Variants in CDH6 observed in about 807,000 individuals in gnomAD.
CDH6 encodes cadherin-6.
A neutral mutation model predicts 78.0 loss-of-function variants in CDH6; 31 were observed. The observed-to-expected ratio is 0.40, with a 90% CI of 0.30 to 0.54. The LOEUF is 0.54. Ranked by LOEUF, CDH6 falls within the 20% of genes least tolerant of loss-of-function variation. The probability of loss-of-function intolerance (pLI) is 0.56; values close to 1 mark genes in which losing one functional copy is unlikely to be tolerated. For synonymous variants in CDH6, 376 were observed against 368.8 expected, an observed-to-expected ratio of 1.02 and a Z score of -0.23; for missense variants, 724 against 975.9, an observed-to-expected ratio of 0.74 and a Z score of 3.44.
intron 7 of CDH6, among the ~76,000 whole-genome samples, chr5:31,312,535 CA>C (rs1302249401): frequency 1.5e-4 from 23 of 152,144 alleles, no homozygotes; most frequent in Admixed American, 1.5e-3. Context: ...CCTGTCTCTA[CA>C]AAAAATTAGC....
intron 1 of CDH6, among the ~76,000 whole-genome samples, chr5:31,252,715 A>G (rs1395070210): frequency 6.6e-6 from 1 of 152,216 alleles, no homozygotes; most frequent in African/African-American, 2.4e-5. Flanking sequence ...TCTTAGGTAT[A>G]AAGTTTTCTT....
intron 2 of CDH6, among the ~76,000 whole-genome samples, chr5:31,290,217 A>G (rs532559958): frequency 3.5e-4 from 54 of 152,282 alleles, no homozygotes; most frequent in African/African-American, 1.3e-3. Context: ...CCGAGATCGC[A>G]CCACTGCACT....
intron 2 of CDH6, among the ~76,000 whole-genome samples, chr5:31,288,492 G>A (rs1265193969): frequency 2.0e-5 from 3 of 152,066 alleles, no homozygotes; most frequent in Non-Finnish European, 4.4e-5. Flanking sequence ...GCTTTTCCCA[G>A]CCTTCACAAC....
At chr5:31,222,406 T>C (rs1259532575) in intron 1 of CDH6, among the ~76,000 whole-genome samples, 3 of 152,202 alleles carry the variant, frequency 2.0e-5, no homozygotes, top group Non-Finnish European at 4.4e-5. Context: ...TTTCTCTATT[T>C]GTCATATGAA....
chr5:31,258,820 A>G (rs111313255), intron 1 of CDH6, among the ~76,000 whole-genome samples: 1 of 152,116 alleles, frequency 6.6e-6, no homozygotes, highest in African/African-American at 2.4e-5. Flanking sequence ...TAGGGAATTC[A>G]TGAAGACTCA....
chr5:31,266,138 C>A (rs1014731949), intron 1 of CDH6, among the ~76,000 whole-genome samples: 1 of 151,764 alleles, frequency 6.6e-6, no homozygotes, highest in Non-Finnish European at 1.5e-5. Context: ...TTTTTTCGCC[C>A]AAAAATGTGG....
At chr5:31,301,457 A>G (rs1386134156) in intron 5 of CDH6, among the ~76,000 whole-genome samples, 2 of 152,232 alleles carry the variant, frequency 1.3e-5, no homozygotes, top group South Asian at 2.1e-4. Context: ...AAAAGTGTCT[A>G]TATAGGAAAC....
chr5:31,292,094 C>G (rs1369813517), intron 2 of CDH6, among the ~76,000 whole-genome samples: 1 of 152,136 alleles, frequency 6.6e-6, no homozygotes, highest in Non-Finnish European at 1.5e-5. Context: ...GACTCTTTTC[C>G]CATGAGCTGT....
chr5:31,243,344 A>G (rs1561039138), intron 1 of CDH6, among the ~76,000 whole-genome samples: 1 of 152,194 alleles, frequency 6.6e-6, no homozygotes, highest in Admixed American at 6.5e-5. Flanking sequence ...AAGCCAGACC[A>G]CATCAGTCTC....
intron 8 of CDH6, 27 bp from the exon 9 acceptor site, chr5:31,316,180 CT>C: frequency 6.3e-7 from 1 of 1,588,864 alleles, no homozygotes; most frequent in Non-Finnish European, 8.5e-7. Flanking sequence ...ATGTAAATGC[CT>C]TTTTCTTTCT....
intron 2 of CDH6, among the ~76,000 whole-genome samples, chr5:31,268,538 A>G (rs545142514): frequency 6.6e-6 from 1 of 152,316 alleles, no homozygotes; most frequent in East Asian, 1.9e-4. Flanking sequence ...AAAAGATGTC[A>G]AAGAAAAAAC....
intron 3 of CDH6, among the ~76,000 whole-genome samples, chr5:31,296,872 GTATC>G (rs1257960552): frequency 6.6e-6 from 1 of 152,100 alleles, no homozygotes; most frequent in Non-Finnish European, 1.5e-5. Context: ...AAGAAAAAGA[GTATC>G]TATGACAGAA....
chr5:31,298,962 C>T (rs1191797677), intron 4 of CDH6, among the ~76,000 whole-genome samples: 1 of 152,092 alleles, frequency 6.6e-6, no homozygotes, highest in Non-Finnish European at 1.5e-5. Flanking sequence ...TCAGAGCATT[C>T]GTTATGGTAG....
At chr5:31,235,972 T>C (rs1002075422) in intron 1 of CDH6, among the ~76,000 whole-genome samples, 9 of 152,218 alleles carry the variant, frequency 5.9e-5, no homozygotes, top group African/African-American at 2.2e-4. Context: ...ACTCATACGA[T>C]TGATATTTGC....
intron 8 of CDH6, among the ~76,000 whole-genome samples, chr5:31,314,293 TC>T (rs561394545): frequency 3.1e-4 from 34 of 111,366 alleles, no homozygotes; most frequent in African/African-American, 9.6e-4. Context: ...ATGCTATCCC[TC>T]CCCCCTCCCC....
At chr5:31,321,244 A>G (rs191802551) in intron 11 of CDH6, among the ~76,000 whole-genome samples, 3 of 151,854 alleles carry the variant, frequency 2.0e-5, no homozygotes, top group East Asian at 3.9e-4. Context: ...GAATGAATAA[A>G]TACCCTGAAT....
chr5:31,202,279 A>T (rs921184696), intron 1 of CDH6, among the ~76,000 whole-genome samples: 2 of 152,232 alleles, frequency 1.3e-5, no homozygotes, highest in African/African-American at 4.8e-5. Context: ...TGCAAAGCTT[A>T]AATCTCCTTT....
chr5:31,231,310 C>T (rs1446068316), intron 1 of CDH6, among the ~76,000 whole-genome samples: 1 of 152,134 alleles, frequency 6.6e-6, no homozygotes, highest in African/African-American at 2.4e-5. Context: ...GTCTTCCTTG[C>T]CCTTTGGGAA....
intron 1 of CDH6, among the ~76,000 whole-genome samples, chr5:31,194,262 T>TG (rs1379270079): frequency 6.6e-6 from 1 of 152,152 alleles, no homozygotes; most frequent in Non-Finnish European, 1.5e-5. Context: ...TTTGCAAAGT[T>TG]GGCTGGTCAA....
Sources: gnomAD v4.1 joint callset for allele counts (sites outside exome capture counted in the v4.1 genomes callset) on GRCh38, gnomAD v4.1.1 for gene constraint, MANE v1.5 for transcripts, NCBI Gene and HGNC (gene_info 2026-07-23, HGNC 2026-07-21) for gene names.